Variants in DSCAML1 observed in about 807,000 individuals in gnomAD.
The protein encoded by DSCAML1 is DS cell adhesion molecule like 1, also known as cell adhesion molecule DSCAML1.
A neutral mutation model predicts 200.5 loss-of-function variants in DSCAML1; 38 were observed. The observed-to-expected ratio is 0.19, with a 90% confidence interval of 0.15 to 0.25. The LOEUF is 0.25. Ranked by LOEUF, DSCAML1 falls within the 10% of genes least tolerant of loss-of-function variation. DSCAML1 has a pLI of 1.00. For missense variants in DSCAML1, 2,223 were observed against 2,858.8 expected, an observed-to-expected ratio of 0.78 and a Z score of 5.07; for synonymous variants, 1,215 against 1,165.0, an observed-to-expected ratio of 1.04 and a Z score of -0.87.
intron 3 of DSCAML1, among the ~76,000 whole-genome samples, chr11:117,759,462 C>A (rs754705771): frequency 5.9e-5 from 9 of 152,196 alleles, no homozygotes; most frequent in Non-Finnish European, 1.2e-4. Context: ...GGGGCCTCGT[C>A]CCCAGGGCTG....
rs200852979 is a variant in DSCAML1, at chr11:117,428,366, C to G, written c.6124G>C (p.Gly2042Arg). The G allele has an allele frequency of 1.3e-6, 2 of 1,589,396 alleles. No individual in the cohort carries two copies. The change falls in exon 33 of 33, where the codon GGG becomes CGG. Residue 2042 changes from glycine (G) to arginine (R), a missense_variant. Gly to Arg is a moderately radical substitution (Grantham distance 125, BLOSUM62 -2). Coordinates refer to ENST00000651296, the MANE Select transcript of DSCAML1 (RefSeq NM_020693.4). ...TAGGATTTGGAGTAGGCCCCGGCCC[C>G]CTGCTTCTGAGACCTCCCTACCCCC... ...TSGVGRSQKQ[G>R]AGAYSKSYTL...
chr11:117,761,837 C>A (rs1266901538), intron 3 of DSCAML1, among the ~76,000 whole-genome samples: 2 of 152,232 alleles, frequency 1.3e-5, no homozygotes, highest in South Asian at 2.1e-4. Context: ...TGCCCCTGCA[C>A]TTCAGCCTGG....
rs1411023112 is a variant in DSCAML1, at chr11:117,491,931, G to A, written c.2360-9769C>T. Among the ~76,000 whole-genome samples, 6 of 152,286 alleles carry A rather than the reference G, an allele frequency of 3.9e-5. No individual in the cohort carries two copies. In the East Asian group the frequency reaches 1.2e-3, roughly 29 times the overall value. ...AAGAAGATTGGTCTGGGAGCCAGGG[G>A]ACCAAGGGGTTAGGCTAGTCTGCAC... On this transcript the variant is annotated intron_variant, in intron 11 of 32. Coordinates refer to ENST00000651296, the MANE Select transcript of DSCAML1 (RefSeq NM_020693.4).
At position 117,479,545 on chromosome 11, in the gene DSCAML1, G is replaced by A. The variant is rs536824593; in HGVS notation, c.2785+898C>T. Reference sequence around the variant, plus strand: ...CCACCTGACCATGGGACTTACCACAGTCTCCCCAGATGCGGGGTGCCCATG... The same window carrying A: ...CCACCTGACCATGGGACTTACCACAATCTCCCCAGATGCGGGGTGCCCATG... On this transcript the variant is annotated intron_variant, in intron 14 of 32. Coordinates refer to ENST00000651296, the MANE Select transcript of DSCAML1 (RefSeq NM_020693.4). Among the ~76,000 whole-genome samples the A allele has an allele frequency of 3.9e-5, 6 of 152,308 alleles. No individual in the cohort carries two copies. The South Asian group carries it at 6.2e-4, about 16-fold the overall frequency.
chr11:117,799,050 G>A (rs2055632310), upstream of DSCAML1, among the ~76,000 whole-genome samples: 2 of 152,174 alleles, frequency 1.3e-5, no homozygotes, highest in African/African-American at 4.8e-5. Flanking sequence ...TAAGGAAACT[G>A]AGGCCCAGAG....
chr11:117,774,119 T>C (rs2055087215), intron 3 of DSCAML1, among the ~76,000 whole-genome samples: 1 of 152,188 alleles, frequency 6.6e-6, no homozygotes. Context: ...CTTCTCCCCA[T>C]CCCATGCCCA....
At chr11:117,747,379 G>A (rs1213491762) in intron 3 of DSCAML1, among the ~76,000 whole-genome samples, 4 of 152,286 alleles carry the variant, frequency 2.6e-5, no homozygotes, top group East Asian at 1.9e-4. Flanking sequence ...TGAAGGTCCC[G>A]ATGCACAGCA....
At chr11:117,476,189 G>A (rs1488890672) in intron 14 of DSCAML1, among the ~76,000 whole-genome samples, 1 of 152,170 alleles carries the variant, frequency 6.6e-6, no homozygotes, top group Non-Finnish European at 1.5e-5. Flanking sequence ...GGAAGCGGCT[G>A]GGGAGATGTC....
chr11:117,528,060 T>C (rs1394499508), intron 4 of DSCAML1, among the ~76,000 whole-genome samples: 1 of 152,124 alleles, frequency 6.6e-6, no homozygotes, highest in African/African-American at 2.4e-5. Context: ...ACCAGTAGTA[T>C]AGGTGTGTGG....
At chr11:117,715,834 A>G (rs2053943565) in intron 3 of DSCAML1, among the ~76,000 whole-genome samples, 1 of 152,202 alleles carries the variant, frequency 6.6e-6, no homozygotes, top group South Asian at 2.1e-4. Context: ...AGAACTATCC[A>G]GTCGGTGTGG....
At chr11:117,470,092 T>A in intron 15 of DSCAML1, 112 bp from the exon 16 acceptor site, 1 of 937,840 alleles carries the variant, frequency 1.1e-6, no homozygotes, top group Non-Finnish European at 1.5e-6. Context: ...GGGAGAAGAC[T>A]AAGCTCAGAT....
chr11:117,803,123 T>C (rs1363663059), intron 1 of DSCAML1, among the ~76,000 whole-genome samples: 2 of 152,148 alleles, frequency 1.3e-5, no homozygotes, highest in African/African-American at 4.8e-5. Context: ...TCACAGGCCA[T>C]GCACGTACTT....
chr11:117,481,909 G>T, intron 12 of DSCAML1, 54 bp downstream of exon 12: 1 of 1,602,886 alleles, frequency 6.2e-7, no homozygotes. Flanking sequence ...ATAGCTGCGG[G>T]CTCCCCACTC....
chr11:117,693,369 G>C lies in DSCAML1; in HGVS notation c.511+83422C>G, dbSNP rs139289629. Among the ~76,000 whole-genome samples the C allele has an allele frequency of 9.3e-3, 1,418 of 152,266 alleles. 13 individuals are homozygous for C. Among genetic ancestry groups the C allele is most frequent in the Middle Eastern group, 0.031 (9 of 294 alleles). On this transcript the variant is annotated intron_variant, in intron 3 of 32. Coordinates refer to ENST00000651296, the MANE Select transcript of DSCAML1 (RefSeq NM_020693.4). ...AGGTGTTTCGGATCTTGATTCTGGA[G>C]TCCCACGTATCAGCTCTCCCTTCTG...
At chr11:117,802,049 G>T (rs554201029), upstream of DSCAML1, 1 of 152,196 alleles carries the variant, frequency 6.6e-6, no homozygotes, top group South Asian at 2.1e-4. Flanking sequence ...AGAGAGATAG[G>T]AAAAAAAAGA....
chr11:117,705,188 G>A (rs117860838), intron 3 of DSCAML1, among the ~76,000 whole-genome samples: 28 of 152,084 alleles, frequency 1.8e-4, no homozygotes, highest in Non-Finnish European at 3.1e-4. Context: ...ATTTTGCTTC[G>A]GCTGTTATTA....
chr11:117,439,174 T>G (rs1334623866), intron 23 of DSCAML1, 92 bp downstream of exon 23: 7 of 1,533,244 alleles, frequency 4.6e-6, no homozygotes, highest in Non-Finnish European at 3.5e-6. Flanking sequence ...TGGTTTGGCT[T>G]CTTCCATTCG....
At chr11:117,453,630 T>G (rs1260731268) in intron 19 of DSCAML1, among the ~76,000 whole-genome samples, 2 of 152,196 alleles carry the variant, frequency 1.3e-5, no homozygotes, top group Non-Finnish European at 1.5e-5. Flanking sequence ...TCTTATTGCT[T>G]CTTCTTTGGA....
intron 3 of DSCAML1, among the ~76,000 whole-genome samples, chr11:117,616,064 C>T (rs2051805355): frequency 6.6e-6 from 1 of 152,214 alleles, no homozygotes; most frequent in South Asian, 2.1e-4. Flanking sequence ...GTATCAGACA[C>T]AGTAATCCTG....
Sources: allele counts gnomAD v4.1 joint callset (sites outside exome capture counted in the v4.1 genomes callset), GRCh38; gene constraint gnomAD v4.1.1; transcripts MANE v1.5; gene names NCBI Gene and HGNC (gene_info 2026-07-23, HGNC 2026-07-21).